DPP6: variants seen among roughly 807,000 people sequenced by gnomAD.
DPP6 encodes dipeptidyl peptidase like 6.
In DPP6, 69 loss-of-function variants were observed where a neutral mutation model predicts 122.6. That is an observed-to-expected ratio of 0.56 (90% CI 0.46 to 0.69). The LOEUF is 0.69. Ranked by LOEUF, DPP6 falls within the 30% of genes least tolerant of loss-of-function variation. DPP6 has a pLI of 0.00. For missense variants in DPP6, 928 were observed against 1,116.9 expected, an observed-to-expected ratio of 0.83 and a Z score of 2.41; for synonymous variants, 418 against 433.1, an observed-to-expected ratio of 0.97 and a Z score of 0.43.
chr7:154,704,065 G>A (rs940498167), intron 7 of DPP6, among the ~76,000 whole-genome samples: 1 of 152,210 alleles, frequency 6.6e-6, no homozygotes, highest in Non-Finnish European at 1.5e-5. Flanking sequence ...ATGCCATTAA[G>A]AACATTCATA....
chr7:154,628,745 C>T (rs1405159469), intron 5 of DPP6, among the ~76,000 whole-genome samples: 3 of 152,136 alleles, frequency 2.0e-5, no homozygotes, highest in Non-Finnish European at 2.9e-5. Flanking sequence ...TTAGCCCTTC[C>T]ACAAAGCGAG....
At chr7:154,501,696 G>A (rs1825263644) in intron 3 of DPP6, among the ~76,000 whole-genome samples, 1 of 152,222 alleles carries the variant, frequency 6.6e-6, no homozygotes, top group South Asian at 2.1e-4. Flanking sequence ...GTTTGCTGCA[G>A]GGGTGGGGCC....
At chr7:154,062,034 CG>C (rs1293389286) in intron 1 of DPP6, among the ~76,000 whole-genome samples, 66 of 125,080 alleles carry the variant, frequency 5.3e-4, no homozygotes, top group Non-Finnish European at 8.4e-4. Flanking sequence ...AGGCACCCCC[CG>C]CGAGGCAGGG....
intron 1 of DPP6, among the ~76,000 whole-genome samples, chr7:154,063,623 G>C (rs1272277121): frequency 3.7e-5 from 5 of 134,116 alleles, no homozygotes; most frequent in South Asian, 2.7e-4. Flanking sequence ...CCCCCACGAG[G>C]CAGGGACTGA....
chr7:154,348,419 C>T (rs1810573396), intron 1 of DPP6, among the ~76,000 whole-genome samples: 1 of 152,220 alleles, frequency 6.6e-6, no homozygotes, highest in Non-Finnish European at 1.5e-5. Flanking sequence ...TGAAATCCTA[C>T]TTCCCAGACC....
intron 3 of DPP6, among the ~76,000 whole-genome samples, chr7:154,503,480 C>G (rs1426224923): frequency 6.6e-6 from 1 of 152,198 alleles, no homozygotes; most frequent in Non-Finnish European, 1.5e-5. Flanking sequence ...GGTGGGCTCT[C>G]TTGACTGAAA....
At chr7:154,489,672 C>T (rs1263155364) in intron 3 of DPP6, among the ~76,000 whole-genome samples, 2 of 152,076 alleles carry the variant, frequency 1.3e-5, no homozygotes, top group Non-Finnish European at 2.9e-5. Flanking sequence ...TCTCTCAAGA[C>T]CCCTTATTCA....
chr7:154,258,887 A>G (rs1240508941), intron 1 of DPP6, among the ~76,000 whole-genome samples: 2 of 152,234 alleles, frequency 1.3e-5, no homozygotes, highest in African/African-American at 4.8e-5. Flanking sequence ...AGTTTCACAC[A>G]AGTTATATGG....
chr7:154,803,865 C>A lies in DPP6; in HGVS notation c.1409C>A (p.Pro470His), dbSNP rs1438312465. ...TGATGCCATGTCTGTGTGTTTCAGC[C>A]CAACAGCAGCAACGACAACATCCAG... ...FYHITVSSSQ[P>H]NSSNDNIQSI... Residue 470 changes from proline to histidine, a missense_variant and splice_region_variant, in exon 14 of 26, where the codon CCC becomes CAC. By Grantham distance (77) the Pro-to-His change is moderately conservative (BLOSUM62 -2). Coordinates refer to ENST00000377770, the MANE Select transcript of DPP6 (RefSeq NM_130797.4). 3 of 1,613,382 alleles carry A rather than the reference C, an allele frequency of 1.9e-6. No individual in the cohort carries two copies. In the South Asian group the frequency reaches 3.3e-5, roughly 18 times the overall value.
intron 1 of DPP6, among the ~76,000 whole-genome samples, chr7:153,889,693 A>G (rs1332803149): frequency 1.3e-5 from 2 of 152,238 alleles, no homozygotes; most frequent in Non-Finnish European, 2.9e-5. Flanking sequence ...AGGATATTCC[A>G]TGTGATACTC....
At chr7:154,506,697 T>C (rs1825691718) in intron 3 of DPP6, among the ~76,000 whole-genome samples, 2 of 152,164 alleles carry the variant, frequency 1.3e-5, no homozygotes, top group Non-Finnish European at 2.9e-5. Flanking sequence ...TGATGACCCA[T>C]ATTATCTGAA....
chr7:154,798,464 TC>T (rs1055951098), intron 12 of DPP6, among the ~76,000 whole-genome samples: 2 of 152,252 alleles, frequency 1.3e-5, no homozygotes, highest in African/African-American at 4.8e-5. Flanking sequence ...CTTACTGTTT[TC>T]AAATGTAAAG....
In DPP6 at chr7:154,769,465, C is replaced by T. The variant is rs779028965; in HGVS notation, c.932C>T (p.Thr311Met). The T allele has an allele frequency of 6.2e-6, 10 of 1,613,602 alleles. No individual in the cohort carries two copies. In the African/African-American group the frequency reaches 6.7e-5, roughly 11 times the overall value. Residue 311 changes from threonine to methionine, a missense_variant, in exon 9 of 26, where the codon ACG (threonine) becomes ATG (methionine). Thr to Met is a moderately conservative substitution (Grantham distance 81). Transcript: ENST00000377770. Reference protein sequence around the residue: ...HIAHWWSPDGTRLAYAAINDS... With the variant: ...HIAHWWSPDGMRLAYAAINDS... ...GCACACTGGTGGTCTCCGGATGGCA[C>T]GAGACTCGCCTACGCCGCCATCAAT... is the stretch of plus-strand genomic sequence containing the variant.
intron 1 of DPP6, among the ~76,000 whole-genome samples, chr7:154,015,296 C>T (rs1052219331): frequency 4.6e-5 from 7 of 152,098 alleles, no homozygotes; most frequent in South Asian, 2.1e-4. Context: ...TGTCTTCCCG[C>T]GTGACCTCTC....
the DPP6 span, among the ~76,000 whole-genome samples, chr7:153,784,689 T>C: frequency 2.6e-5 from 4 of 152,190 alleles, no homozygotes; most frequent in Non-Finnish European, 5.9e-5. Flanking sequence ...TGATATGCTG[T>C]AGGAGTCTGA....
chr7:154,565,747 A>G (rs1393939488), intron 4 of DPP6, among the ~76,000 whole-genome samples: 1 of 151,864 alleles, frequency 6.6e-6, no homozygotes, highest in Non-Finnish European at 1.5e-5. Context: ...CTGGTCTCGA[A>G]CTCCTGACCT....
At chr7:153,816,191 A>T in the DPP6 span, among the ~76,000 whole-genome samples, 3 of 152,192 alleles carry the variant, frequency 2.0e-5, no homozygotes, top group African/African-American at 7.2e-5. Flanking sequence ...ATAAAAGCCA[A>T]AAAATAATTA....
chr7:154,788,664 A>G (rs1454257413), intron 10 of DPP6, among the ~76,000 whole-genome samples: 6 of 152,158 alleles, frequency 3.9e-5, no homozygotes, highest in African/African-American at 1.4e-4. Context: ...AGCACAACAT[A>G]TTTAGATGTT....
At chr7:153,882,346 A>G (rs990915186), upstream of DPP6, among the ~76,000 whole-genome samples, 2 of 152,312 alleles carry the variant, frequency 1.3e-5, no homozygotes, top group Admixed American at 1.3e-4. Flanking sequence ...CTCTTTTCTT[A>G]TGTCACGTTG....
Sources: allele counts gnomAD v4.1 joint callset (sites outside exome capture counted in the v4.1 genomes callset), GRCh38; gene constraint gnomAD v4.1.1; transcripts MANE v1.5; gene names NCBI Gene and HGNC (gene_info 2026-07-23, HGNC 2026-07-21).